PNPLA7: variants seen among roughly 807,000 people sequenced by gnomAD.
The protein encoded by PNPLA7 is patatin-like phospholipase domain-containing protein 7.
Under a neutral mutation model 161.7 loss-of-function variants are expected in PNPLA7, and 153 were observed. That is an observed-to-expected ratio of 0.95 (90% CI 0.83 to 1.08). The LOEUF is 1.08. PNPLA7 is among the 50% of genes least tolerant of loss of function. The pLI, the probability that PNPLA7 is intolerant of heterozygous loss-of-function variation, is 0.00. For synonymous variants in PNPLA7, 809 were observed against 782.1 expected (o/e 1.03, Z -0.57); for missense variants, 1,739 against 1,856.6 (o/e 0.94, Z 1.16).
chr9:137,506,465 T>C (rs1183411433), intron 12 of PNPLA7, among the ~76,000 whole-genome samples: 2 of 152,150 alleles, frequency 1.3e-5, no homozygotes, highest in African/African-American at 4.8e-5. Context: ...GAGCACCCTT[T>C]CTCTTGCTGT....
At chr9:137,515,135 G>A (rs1345757979) in intron 12 of PNPLA7, among the ~76,000 whole-genome samples, 3 of 152,108 alleles carry the variant, frequency 2.0e-5, no homozygotes, top group Non-Finnish European at 2.9e-5. Flanking sequence ...CAGCCCTGGC[G>A]GTGGTGGGGG....
rs764196348 is a variant in PNPLA7 at position 137,521,681 on chromosome 9, C to T, written c.912G>A (p.Leu304=). ...TCAGGCCGAGGTAGTTGTGCAGAGC[C>T]AGAAAGGTCACCCTCTGCAGCCGCA... ...IMVRLQRVTF[L]ALHNYLGLTT... is the part of the protein sequence containing the mutation. The change falls in exon 10 of 35, where the codon CTG becomes CTA. Residue 304 remains leucine (L), a synonymous_variant. Transcript: ENST00000406427. 8.7e-6 allele frequency: 14 copies of T among 1,611,872 alleles called. No homozygotes were observed. The East Asian group carries it at 2.9e-4, about 33-fold the overall frequency.
At position 137,543,389 on chromosome 9, in the gene PNPLA7, T is replaced by C. The variant is rs1477546918; in HGVS notation, c.506+43A>G. 1 of 1,612,872 alleles carries C rather than the reference T, an allele frequency of 6.2e-7. No individual in the cohort carries two copies. Among genetic ancestry groups the C allele is most frequent in the South Asian group, 1.1e-5 (1 of 91,012 alleles). The stretch of plus-strand genomic sequence containing the variant: ...CAGGCCCCAGCGAGAAGCCCGGGGC[T>C]ATGGGAGCTGCCGCAGCCCCCGGGG... On this transcript the variant is annotated intron_variant, in intron 6 of 34. Transcript: ENST00000406427. The surrounding 1 kb of genome is among the most constrained non-coding windows in gnomAD (Gnocchi z 6.9).
In PNPLA7 at chr9:137,523,086, G is replaced by A. The variant is rs1450486209; in HGVS notation, c.748-229C>T. On this transcript the variant is annotated intron_variant, in intron 8 of 34. Transcript: ENST00000406427. This position sits in a 1 kb window ranked among gnomAD's most constrained non-coding sequence, Gnocchi z 4.4. ...AGGACTGGCTGACGATGAAATGTGG[G>A]TGAGGGGAGGCCCGCAGGCAGCCAC... Among the ~76,000 whole-genome samples the A allele has an allele frequency of 6.6e-6, 1 of 152,178 alleles. No homozygotes were observed. Among genetic ancestry groups the A allele is most frequent in the Non-Finnish European group, 1.5e-5 (1 of 68,034 alleles).
rs566143738 is a variant in PNPLA7 at position 137,516,538 on chromosome 9, G to T, written c.1085-1019C>A. ...AAAATACACTTTGAGGCCAGGTGCA[G>T]TGGCTCACACCTGTAATCCAAACAA... On this transcript the variant is annotated intron_variant, in intron 11 of 34. Coordinates refer to ENST00000406427, the MANE Select transcript of PNPLA7 (RefSeq NM_001098537.3). The T allele has an allele frequency of 6.1e-6, 6 of 985,360 alleles. No individual in the cohort carries two copies. The African/African-American group carries it at 1.0e-4, about 17-fold the overall frequency. The allele number at this position is 985,360 out of a possible 1,614,324, so 61.0% of individuals were successfully genotyped here. A position where few individuals can be genotyped will look rare whatever the true frequency, so the allele number is the denominator to read the frequency against.
In PNPLA7 at chr9:137,501,730, A is replaced by G. The variant is rs765783595; in HGVS notation, c.1474-3T>C. On this transcript the variant is annotated splice_region_variant and splice_polypyrimidine_tract_variant and intron_variant, in intron 14 of 34. Transcript: ENST00000406427. ...CGGCCATCCAACAGAGATGAGTCCT[A>G]AAAACAGAGCAGACTTCAGGGAACA... is the stretch of plus-strand genomic sequence containing the variant. 22 of 1,612,272 alleles carry G rather than the reference A, an allele frequency of 1.4e-5. No homozygotes were observed. The South Asian group carries it at 1.6e-4, about 12-fold the overall frequency.
rs9414732 is a variant in PNPLA7, at chr9:137,466,772, G to A, written c.3039+545C>T. Among the ~76,000 whole-genome samples the A allele has an allele frequency of 8.2e-3, 381 of 46,624 alleles. 1 individual carries two copies. Among genetic ancestry groups the A allele is most frequent in the African/African-American group, 0.02 (209 of 10,430 alleles). 30.6% of individuals were successfully genotyped at this position (46,624 alleles called of 152,430 possible). A position where few individuals can be genotyped will look rare whatever the true frequency, so the allele number is the denominator to read the frequency against. On this transcript the variant is annotated intron_variant, in intron 26 of 34. Transcript: ENST00000406427. Reference sequence around the variant, plus strand: ...CTCAGACCCGGGCACGGATCAGACCGCCTCCCACCACCGTCTCCACCAACT... The same window carrying A: ...CTCAGACCCGGGCACGGATCAGACCACCTCCCACCACCGTCTCCACCAACT...
intron 15 of PNPLA7, among the ~76,000 whole-genome samples, 190 bp from the exon 16 acceptor site, chr9:137,501,086 G>A (rs988939311): frequency 3.9e-5 from 6 of 152,214 alleles, no homozygotes; most frequent in African/African-American, 1.2e-4. Context: ...ACGAGCAGTC[G>A]TGGAAAATCT....
Position 137,500,335 on chromosome 9 carries a change from C to A in PNPLA7, c.1757+356G>T, listed in dbSNP as rs1363233572. Among the ~76,000 whole-genome samples, 2 of 152,250 alleles carry A rather than the reference C, an allele frequency of 1.3e-5. No homozygotes were observed. The highest frequency in any genetic ancestry group is 2.9e-5 in the Non-Finnish European group (2 of 68,050). The stretch of plus-strand genomic sequence containing the variant: ...GTGGGACGGCTCACGGCCCCTGAAG[C>A]CCGGCCCTGCCCCAACGTGGGCCTT... On this transcript the variant is annotated intron_variant, in intron 16 of 34. Transcript: ENST00000406427. The surrounding 1 kb of genome is among the most constrained non-coding windows in gnomAD (Gnocchi z 5.5).
At chr9:137,502,685 A>AGGGGGACGC (rs1554767734) in intron 14 of PNPLA7, among the ~76,000 whole-genome samples, 1 of 440 alleles carries the variant, frequency 2.3e-3, no homozygotes, top group African/African-American at 9.8e-3. Flanking sequence ...TCGGGAGATG[A>AGGGGGACGC]GGGGGACGGG....
At chr9:137,479,819 C>A (rs1832121401) in intron 23 of PNPLA7, 1 of 985,354 alleles carries the variant, frequency 1.0e-6, no homozygotes, top group Non-Finnish European at 1.2e-6. Flanking sequence ...CCTGCAGACA[C>A]AGCCTGGGGC....
chr9:137,536,927 G>T (rs1312806381), intron 8 of PNPLA7, among the ~76,000 whole-genome samples: 2 of 150,440 alleles, frequency 1.3e-5, no homozygotes, highest in Non-Finnish European at 2.9e-5. Flanking sequence ...AAGCATGGGG[G>T]CCATCCTCCG....
intron 29 of PNPLA7, 88 bp downstream of exon 29, chr9:137,463,327 G>A: frequency 2.5e-6 from 3 of 1,190,048 alleles, no homozygotes; most frequent in Non-Finnish European, 3.6e-6. Flanking sequence ...CAGGCTTCTT[G>A]GAGCGGAGGC....
intron 12 of PNPLA7, among the ~76,000 whole-genome samples, chr9:137,512,204 G>T (rs1406226927): frequency 6.6e-6 from 1 of 152,250 alleles, no homozygotes; most frequent in East Asian, 1.9e-4. Flanking sequence ...GTGACTCCAT[G>T]ACCCAGCAGC....
chr9:137,505,392 T>G (rs922725491), intron 14 of PNPLA7, among the ~76,000 whole-genome samples: 4 of 152,216 alleles, frequency 2.6e-5, no homozygotes, highest in Non-Finnish European at 5.9e-5. Context: ...TGGGACACCC[T>G]GATGTCCCAG....
chr9:137,518,000 GC>G (rs2132450570), intron 11 of PNPLA7, among the ~76,000 whole-genome samples: 1 of 99,516 alleles, frequency 1.0e-5, no homozygotes, highest in Non-Finnish European at 1.9e-5. Context: ...ACTCCACTCT[GC>G]TCACTCCATC....
intron 11 of PNPLA7, chr9:137,516,402 C>G (rs1281675891): frequency 1.9e-5 from 19 of 985,070 alleles, no homozygotes; most frequent in Non-Finnish European, 2.2e-5. Context: ...CCCATGAGCA[C>G]CCCCGGCCCT....
In PNPLA7 at chr9:137,547,195, T is replaced by G. The variant is rs1376824007; in HGVS notation, c.193+114A>C. The G allele has an allele frequency of 3.7e-6, 4 of 1,076,738 alleles. No individual in the cohort carries two copies. The highest frequency in any genetic ancestry group is 1.8e-5 in the Admixed American group (1 of 54,516). 66.7% of individuals were successfully genotyped at this position (1,076,738 alleles called of 1,614,324 possible). On this transcript the variant is annotated intron_variant, in intron 3 of 34. Transcript: ENST00000406427. This position sits in a 1 kb window ranked among gnomAD's most constrained non-coding sequence, Gnocchi z 4.6. ...CCTGAGCCCAGACGGGCCATCAGAT[T>G]CTAGCCAAAGCCACCATGCGCTTGA... is the stretch of plus-strand genomic sequence containing the variant.
chr9:137,487,006 T>G (rs905795453), intron 20 of PNPLA7, among the ~76,000 whole-genome samples: 5 of 136,758 alleles, frequency 3.7e-5, no homozygotes, highest in African/African-American at 1.3e-4. Flanking sequence ...CCATCTCTTT[T>G]GCCTTCTTGG....
Sources: gnomAD v4.1 joint callset for allele counts (sites outside exome capture counted in the v4.1 genomes callset) on GRCh38, gnomAD v4.1.1 for gene constraint, Gnocchi (gnomAD v3.1) non-coding constraint, MANE v1.5 for transcripts, NCBI Gene and HGNC (gene_info 2026-07-23, HGNC 2026-07-21) for gene names.